ZNF335: variants seen among roughly 807,000 people sequenced by gnomAD.
ZNF335 encodes NRC-interacting factor 1.
A neutral mutation model predicts 145.6 loss-of-function variants in ZNF335; 84 were observed. The ratio of observed to expected loss-of-function variants is 0.58; its 90% CI spans 0.48 to 0.69. ZNF335 has a LOEUF of 0.69. Among genes scored for constraint, ZNF335 ranks in the 30% least tolerant of loss-of-function variants. ZNF335 has a pLI of 0.00. For synonymous variants in ZNF335, 761 were observed against 717.0 expected (o/e 1.06, Z -0.98); for missense variants, 1,865 against 1,809.7 (o/e 1.03, Z -0.55).
In ZNF335 at chr20:45,959,213, T is replaced by C. The variant is rs2083782515; in HGVS notation, c.2241A>G (p.Pro747=). The C allele has an allele frequency of 1.5e-6, 2 of 1,373,678 alleles. No homozygotes were observed. The allele number at this position is 1,373,678 out of a possible 1,614,324, so 85.1% of individuals were successfully genotyped here. Reference sequence around the variant, plus strand: ...GCCCCGACCTTACCTCAGGAGGTCCTGGGGAACTGGGAGGTGGTCCAGGGG... The same window carrying C: ...GCCCCGACCTTACCTCAGGAGGTCCCGGGGAACTGGGAGGTGGTCCAGGGG... ...SAAPGPPPSS[P]GPPEIPPEAT... is the part of the protein sequence containing the mutation. Residue 747 remains proline, a synonymous_variant, in exon 15 of 28, where the codon CCA becomes CCG. Coordinates refer to ENST00000322927, the MANE Select transcript of ZNF335 (RefSeq NM_022095.4).
intron 18 of ZNF335, among the ~76,000 whole-genome samples, chr20:45,953,449 G>A (rs929786768): frequency 3.8e-4 from 58 of 152,188 alleles, no homozygotes; most frequent in African/African-American, 1.4e-3. Context: ...TAAAACAAGG[G>A]AAATCTGGGT....
chr20:45,958,316 G>T (rs753443389), intron 15 of ZNF335, among the ~76,000 whole-genome samples: 2 of 152,268 alleles, frequency 1.3e-5, no homozygotes, highest in Middle Eastern at 3.4e-3. Context: ...CAAAGTGCTG[G>T]GATTACAGGC....
At position 45,969,748 on chromosome 20, in the gene ZNF335, A is replaced by G. The variant is rs144304377; in HGVS notation, c.202-57T>C. ...TTAGCAGCTGGGTATGGGGCAGGGCAGCCTGCCAGCTCCCACTTGCTAGAC... is the reference window on the plus strand; with the variant it reads ...TTAGCAGCTGGGTATGGGGCAGGGCGGCCTGCCAGCTCCCACTTGCTAGAC... On this transcript the variant is annotated intron_variant, in intron 2 of 27. Transcript: ENST00000322927. 2.6e-4 allele frequency: 418 copies of G among 1,578,150 alleles called. 3 individuals are homozygous for G. In the East Asian group the frequency reaches 8.6e-3, roughly 33 times the overall value.
chr20:45,962,829 T>A (rs1352013481), intron 9 of ZNF335, among the ~76,000 whole-genome samples: 1 of 142,132 alleles, frequency 7.0e-6, no homozygotes, highest in African/African-American at 2.6e-5. Context: ...GTTTGTTTTT[T>A]TGAGACAGAG....
At chr20:45,951,517 GAT>G (rs765708938) in intron 20 of ZNF335, among the ~76,000 whole-genome samples, 2 of 152,238 alleles carry the variant, frequency 1.3e-5, no homozygotes, top group Non-Finnish European at 2.9e-5. Context: ...TGTGCAGGGT[GAT>G]AGTTTTGGGA....
Position 45,963,659 on chromosome 20 carries a change from TGA to T in ZNF335, c.1356-11_1356-10del. The T allele has an allele frequency of 1.2e-6, 2 of 1,613,946 alleles. No individual in the cohort carries two copies. The highest frequency in any genetic ancestry group is 2.2e-5 in the South Asian group (2 of 91,082). ...GCGACTTGTAATAGTACCTGCAGGA[TGA>T]GAGTGTGGCGGAAAGGTCTGGTGGG... is the stretch of plus-strand genomic sequence containing the variant. On this transcript the variant is annotated splice_polypyrimidine_tract_variant and intron_variant, in intron 8 of 27. Coordinates refer to ENST00000322927, the MANE Select transcript of ZNF335 (RefSeq NM_022095.4).
rs1035312081 is a variant in ZNF335 at position 45,948,732 on chromosome 20, T to G, written c.*221A>C. ...GTCCACCCAAACAAAAATAAATTTCTCTCCCAAAGCCTGCCTGCAGGCTGG... is the reference window on the plus strand; with the variant it reads ...GTCCACCCAAACAAAAATAAATTTCGCTCCCAAAGCCTGCCTGCAGGCTGG... On this transcript the variant is annotated 3_prime_UTR_variant, in exon 28 of 28. Coordinates refer to ENST00000322927, the MANE Select transcript of ZNF335 (RefSeq NM_022095.4). 11 of 608,452 alleles carry G rather than the reference T, an allele frequency of 1.8e-5. No homozygotes were observed. Among genetic ancestry groups the G allele is most frequent in the Non-Finnish European group, 2.8e-5 (10 of 353,218 alleles). The allele number at this position is 608,452 out of a possible 1,614,324, so 37.7% of individuals were successfully genotyped here.
intron 15 of ZNF335, 29 bp from the exon 16 acceptor site, chr20:45,957,957 A>G: frequency 6.3e-7 from 1 of 1,581,778 alleles, no homozygotes; most frequent in Non-Finnish European, 8.7e-7. Flanking sequence ...GCCACGCCTG[A>G]GAGGGGCCAG....
At chr20:45,969,846 A>T (rs2084027541) in intron 2 of ZNF335, 155 bp from the exon 3 acceptor site, 1 of 939,120 alleles carries the variant, frequency 1.1e-6, no homozygotes, top group Non-Finnish European at 1.5e-6. Context: ...CCAGTGAGAG[A>T]GGCCCTCCAG....
chr20:45,964,035 GGACA>G (rs2083904725), intron 7 of ZNF335, 45 bp from the exon 8 acceptor site: 1 of 1,504,844 alleles, frequency 6.6e-7, no homozygotes, highest in Non-Finnish European at 8.8e-7. Flanking sequence ...TGACACACCA[GGACA>G]GACGTGGACA....
chr20:45,968,303 G>A lies in ZNF335; in HGVS notation c.502C>T (p.Leu168=). The part of the protein sequence containing the change: ...GGAETTRYLI[L]QGPDDGAPMT... ...GTCTTACCATCATCTGGGCCCTGTAGGATCAGGTACCGTGTGGTCTCGGCC... is the reference window on the plus strand; with the variant it reads ...GTCTTACCATCATCTGGGCCCTGTAAGATCAGGTACCGTGTGGTCTCGGCC... The change falls in exon 4 of 28, where the codon CTA becomes TTA. Residue 168 remains leucine (L), a synonymous_variant. Transcript: ENST00000322927. The A allele has an allele frequency of 6.2e-7, 1 of 1,613,472 alleles. No homozygotes were observed. The highest frequency in any genetic ancestry group is 1.1e-5 in the South Asian group (1 of 91,066).
chr20:45,971,453 A>G lies in ZNF335; in HGVS notation c.-43T>C. On this transcript the variant is annotated 5_prime_UTR_variant, in exon 2 of 28. Transcript: ENST00000322927. ...TGACAGCGGGGCGTAGGGTCTGGGA[A>G]CTTCACTCTGAGAAGAGAGGTGACC... is the stretch of plus-strand genomic sequence containing the variant. The G allele has an allele frequency of 6.3e-7, 1 of 1,592,984 alleles. No homozygotes were observed. Among genetic ancestry groups the G allele is most frequent in the Non-Finnish European group, 8.5e-7 (1 of 1,177,076 alleles).
chr20:45,965,702 C>T lies in ZNF335; in HGVS notation c.1028G>A (p.Ser343Asn). 1 of 1,604,344 alleles carries T rather than the reference C, an allele frequency of 6.2e-7. No individual in the cohort carries two copies. Among genetic ancestry groups the T allele is most frequent in the Non-Finnish European group, 8.5e-7 (1 of 1,176,138 alleles). ...RQLRLQRPTP[S>N]TPRPRRRPGR... ...AGGTCTCCTTCGGGGCCTTGGGGTA[C>T]TGGGGGTGGGGCGCTGGAGCCGAAG... Residue 343 changes from serine to asparagine, a missense_variant, in exon 7 of 28, where the codon AGT (serine) becomes AAT (asparagine). Physicochemically the swap from Ser to Asn is conservative, Grantham distance 46. Coordinates refer to ENST00000322927, the MANE Select transcript of ZNF335 (RefSeq NM_022095.4).
chr20:45,967,263 A>G (rs766006701), intron 6 of ZNF335: 25 of 599,104 alleles, frequency 4.2e-5, no homozygotes, highest in South Asian at 8.1e-5. Context: ...CTTGTATTCT[A>G]TTTCTGTGGG....
chr20:45,959,924 G>A (rs1057383909), intron 14 of ZNF335, among the ~76,000 whole-genome samples: 8 of 152,340 alleles, frequency 5.3e-5, no homozygotes, highest in African/African-American at 1.9e-4. Context: ...TTTCATCATA[G>A]CCATATGGCA....
At chr20:45,961,109 T>C (rs556027641) in intron 10 of ZNF335, among the ~76,000 whole-genome samples, 48 of 152,368 alleles carry the variant, frequency 3.2e-4, no homozygotes, top group African/African-American at 1.1e-3. Flanking sequence ...ACATTCTTTC[T>C]GTCTGTCAAT....
rs932449869 is a variant in ZNF335, at chr20:45,972,153, C to T, written c.-82G>A. On this transcript the variant is annotated 5_prime_UTR_variant, in exon 1 of 28. Coordinates refer to ENST00000322927, the MANE Select transcript of ZNF335 (RefSeq NM_022095.4). ...CTTTCGTAGCCACGTTCCTCTCTGA[C>T]TCCGGCATCGACGAGGTCGCCATCC... 1.6e-6 allele frequency: 2 copies of T among 1,289,524 alleles called. No homozygotes were observed. The highest frequency in any genetic ancestry group is 2.0e-6 in the Non-Finnish European group (2 of 988,694). The allele number at this position is 1,289,524 out of a possible 1,614,324, so 79.9% of individuals were successfully genotyped here.
In ZNF335 at chr20:45,960,896, G is replaced by A. The variant is rs1000205028; in HGVS notation, c.1647-14C>T. 1.9e-6 allele frequency: 3 copies of A among 1,613,248 alleles called. No individual in the cohort carries two copies. Among genetic ancestry groups the A allele is most frequent in the African/African-American group, 2.7e-5 (2 of 74,852 alleles). On this transcript the variant is annotated splice_polypyrimidine_tract_variant and intron_variant, in intron 10 of 27. Coordinates refer to ENST00000322927, the MANE Select transcript of ZNF335 (RefSeq NM_022095.4). The stretch of plus-strand genomic sequence containing the variant: ...GGCCTCTTCTTCCTGTGGGGAAAAG[G>A]CCGAGGAATTAGACCAGAGCTTCCC...
Position 45,952,531 on chromosome 20 carries a change from G to C in ZNF335, c.2815-10C>G, listed in dbSNP as rs368951554. The C allele has an allele frequency of 1.9e-6, 3 of 1,599,114 alleles. No homozygotes were observed. The highest frequency in any genetic ancestry group is 4.5e-5 in the East Asian group (2 of 44,662). On this transcript the variant is annotated splice_polypyrimidine_tract_variant and intron_variant, in intron 19 of 27. Coordinates refer to ENST00000322927, the MANE Select transcript of ZNF335 (RefSeq NM_022095.4). ...AGCCATCTGCGGTGAGCTGTAGAGAGACAGGGAGCATGAGGTACTGAGAAG... is the reference window on the plus strand; with the variant it reads ...AGCCATCTGCGGTGAGCTGTAGAGACACAGGGAGCATGAGGTACTGAGAAG...
Sources: allele counts gnomAD v4.1 joint callset (sites outside exome capture counted in the v4.1 genomes callset), GRCh38; gene constraint gnomAD v4.1.1; transcripts MANE v1.5; gene names NCBI Gene and HGNC (gene_info 2026-07-23, HGNC 2026-07-21).